Variants in JAKMIP2 observed in about 807,000 individuals in gnomAD.
JAKMIP2 encodes janus kinase and microtubule-interacting protein 2.
JAKMIP2 carries 25 observed loss-of-function variants against 115.0 expected under a neutral mutation model. The ratio of observed to expected loss-of-function variants is 0.22; its 90% CI spans 0.16 to 0.30. The LOEUF (loss-of-function observed/expected upper bound fraction) is 0.30, where lower values mean the gene tolerates loss of function less well. JAKMIP2 is among the 10% of genes least tolerant of loss of function. JAKMIP2 has a pLI of 1.00. For synonymous variants in JAKMIP2, 334 were observed against 343.6 expected (o/e 0.97, Z 0.31); for missense variants, 642 against 957.6 (o/e 0.67, Z 4.35).
intron 1 of JAKMIP2, among the ~76,000 whole-genome samples, chr5:147,764,947 G>GAAAGAAAAGAAA (rs1561582569): frequency 1.4e-4 from 5 of 36,594 alleles, no homozygotes; most frequent in East Asian, 2.2e-3. Context: ...AGAGAGAGAG[G>GAAAGAAAAGAAA]GAGAGAGAGA....
At position 147,622,472 on chromosome 5, in the gene JAKMIP2, T is replaced by C. The variant is rs1312435457; in HGVS notation, c.2064+1149A>G. 3.9e-5 allele frequency among the ~76,000 whole-genome samples: 6 copies of C among 152,236 alleles called. No homozygotes were observed. In the South Asian group the frequency reaches 1.2e-3, roughly 32 times the overall value. ...ACTGTCTGTTTCTAAGTTGGATTAC[T>C]CTAGCACCTCACATGAGTGGATTCA... On this transcript the variant is annotated intron_variant, in intron 17 of 21. Coordinates refer to ENST00000616793, the MANE Select transcript of JAKMIP2 (RefSeq NM_001270941.2).
intron 1 of JAKMIP2, among the ~76,000 whole-genome samples, chr5:147,772,003 G>A (rs1755375657): frequency 2.6e-5 from 4 of 151,944 alleles, no homozygotes; most frequent in Admixed American, 2.6e-4. Context: ...TAGATTTGCT[G>A]GCACAAATTA....
intron 1 of JAKMIP2, among the ~76,000 whole-genome samples, chr5:147,773,992 T>C (rs1755462598): frequency 6.6e-6 from 1 of 152,170 alleles, no homozygotes; most frequent in Admixed American, 6.6e-5. Context: ...ATTTTAAGCA[T>C]CTGGCTCAAA....
chr5:147,708,203 TG>T (rs1752652536), intron 1 of JAKMIP2, among the ~76,000 whole-genome samples: 1 of 152,036 alleles, frequency 6.6e-6, no homozygotes, highest in African/African-American at 2.4e-5. Flanking sequence ...TAACAAAAAA[TG>T]AAAAACAAAA....
At chr5:147,763,984 G>C (rs1379317902) in intron 1 of JAKMIP2, among the ~76,000 whole-genome samples, 1 of 152,128 alleles carries the variant, frequency 6.6e-6, no homozygotes, top group African/African-American at 2.4e-5. Context: ...TGGGGGAATG[G>C]AAAATACTTA....
At position 147,591,130 on chromosome 5, in the gene JAKMIP2, T is replaced by G. The variant is rs1755079735; in HGVS notation, c.*577A>C. On this transcript the variant is annotated 3_prime_UTR_variant, in exon 22 of 22. Coordinates refer to ENST00000616793, the MANE Select transcript of JAKMIP2 (RefSeq NM_001270941.2). ...ATAAAGACAGAAAAGCAAATCCCTG[T>G]AGTAAGAAACCAGACTTTTCAAATG... 6.5e-6 allele frequency: 1 copy of G among 152,858 alleles called. No individual in the cohort carries two copies. Among genetic ancestry groups the G allele is most frequent in the South Asian group, 2.1e-4 (1 of 4,832 alleles). The allele number at this position is 152,858 out of a possible 1,614,324, so 9.5% of individuals were successfully genotyped here. A position where few individuals can be genotyped will look rare whatever the true frequency, so the allele number is the denominator to read the frequency against.
chr5:147,639,807 G>T, intron 9 of JAKMIP2, 47 bp from the exon 10 acceptor site: 1 of 1,589,766 alleles, frequency 6.3e-7, no homozygotes, highest in Non-Finnish European at 8.5e-7. Context: ...TTATGTTCAG[G>T]TCCTGTTTTC....
intron 1 of JAKMIP2, among the ~76,000 whole-genome samples, chr5:147,747,871 C>T (rs1735622639): frequency 6.6e-6 from 1 of 152,152 alleles, no homozygotes; most frequent in Non-Finnish European, 1.5e-5. Flanking sequence ...TCTACTTTGT[C>T]TAGAATGTGT....
chr5:147,773,064 C>T (rs947541337), intron 1 of JAKMIP2, among the ~76,000 whole-genome samples: 11 of 152,100 alleles, frequency 7.2e-5, no homozygotes, highest in Non-Finnish European at 1.2e-4. Flanking sequence ...TTAGGAAGGT[C>T]AGCGCTAACG....
At chr5:147,720,055 C>A (rs1753201059) in intron 1 of JAKMIP2, among the ~76,000 whole-genome samples, 4 of 152,050 alleles carry the variant, frequency 2.6e-5, no homozygotes, top group African/African-American at 7.2e-5. Context: ...TGGTGACAAA[C>A]TCTCTCAGCA....
At chr5:147,734,847 A>G (rs1343345126) in intron 1 of JAKMIP2, among the ~76,000 whole-genome samples, 1 of 152,190 alleles carries the variant, frequency 6.6e-6, no homozygotes, top group East Asian at 1.9e-4. Context: ...CAAACTGCTA[A>G]TAAACTGCCT....
intron 1 of JAKMIP2, among the ~76,000 whole-genome samples, chr5:147,714,859 T>C (rs953199152): frequency 1.3e-5 from 2 of 152,138 alleles, no homozygotes; most frequent in African/African-American, 2.4e-5. Flanking sequence ...AAAACAAAGA[T>C]GTTTTAGATG....
At chr5:147,628,341 C>G (rs1757201870) in intron 16 of JAKMIP2, among the ~76,000 whole-genome samples, 1 of 152,136 alleles carries the variant, frequency 6.6e-6, no homozygotes, top group South Asian at 2.1e-4. Flanking sequence ...TGAGCCCCTA[C>G]TAAGCCACAG....
chr5:147,659,236 A>T (rs1338877268), intron 3 of JAKMIP2, among the ~76,000 whole-genome samples: 2 of 152,138 alleles, frequency 1.3e-5, no homozygotes, highest in African/African-American at 4.8e-5. Context: ...AAAGCGTAGT[A>T]CCTTGGGCAG....
At chr5:147,718,336 T>C (rs1753103791) in intron 1 of JAKMIP2, among the ~76,000 whole-genome samples, 1 of 150,300 alleles carries the variant, frequency 6.7e-6, no homozygotes, top group South Asian at 2.1e-4. Flanking sequence ...TGCCTGGCTT[T>C]GGTATCAGAA....
intron 1 of JAKMIP2, among the ~76,000 whole-genome samples, chr5:147,672,562 TTATCTATC>T (rs55967451): frequency 6.6e-6 from 1 of 152,046 alleles, no homozygotes; most frequent in Non-Finnish European, 1.5e-5. Flanking sequence ...GGGAAAAAAT[TTATCTATC>T]TATCTATCTA....
At chr5:147,668,913 T>C (rs895095761) in intron 2 of JAKMIP2, among the ~76,000 whole-genome samples, 3 of 152,226 alleles carry the variant, frequency 2.0e-5, no homozygotes, top group African/African-American at 4.8e-5. Context: ...TAGCTATTTA[T>C]ATTATCAGCC....
Position 147,660,963 on chromosome 5 carries a change from C to A in JAKMIP2, c.612G>T (p.Arg204=), listed in dbSNP as rs779514904. 1 of 1,613,880 alleles carries A rather than the reference C, an allele frequency of 6.2e-7. No homozygotes were observed. The highest frequency in any genetic ancestry group is 1.1e-5 in the South Asian group (1 of 91,034). Residue 204 remains arginine, a synonymous_variant, in exon 3 of 22, where the codon CGG becomes CGT. Transcript: ENST00000616793. ...CTGTACTAACCAGCCTCCGAATATC[C>A]CGCTCCGACTCCCACTTGATCTTCG... ...AISKIKWESE[R]DIRRLMDEIK... is the part of the protein sequence containing the mutation.
At chr5:147,698,310 G>A (rs1424970257) in intron 1 of JAKMIP2, among the ~76,000 whole-genome samples, 1 of 152,150 alleles carries the variant, frequency 6.6e-6, no homozygotes, top group African/African-American at 2.4e-5. Context: ...TGATTTTATA[G>A]GATCATAGGC....
Sources: allele counts gnomAD v4.1 joint callset (sites outside exome capture counted in the v4.1 genomes callset), GRCh38; gene constraint gnomAD v4.1.1; transcripts MANE v1.5; gene names NCBI Gene and HGNC (gene_info 2026-07-23, HGNC 2026-07-21).